The following LUZP2 variants were observed in gnomAD, a reference collection of about 807,000 sequenced individuals.
The protein encoded by LUZP2 is leucine zipper protein 2.
In LUZP2, 52 loss-of-function variants were observed where a neutral mutation model predicts 51.6. The ratio of observed to expected loss-of-function variants is 1.01; its 90% CI spans 0.81 to 1.27. LUZP2 has a LOEUF of 1.27. Among genes scored for constraint, LUZP2 ranks in the 50% most tolerant of loss-of-function variants. The pLI, the probability that LUZP2 is intolerant of heterozygous loss-of-function variation, is 0.00. For synonymous variants in LUZP2, 154 were observed against 137.3 expected, an observed-to-expected ratio of 1.12 and a Z score of -0.85; for missense variants, 436 against 395.4, an observed-to-expected ratio of 1.10 and a Z score of -0.87.
intron 1 of LUZP2, among the ~76,000 whole-genome samples, chr11:24,592,813 T>G (rs1347871669): frequency 6.6e-6 from 1 of 152,116 alleles, no homozygotes; most frequent in African/African-American, 2.4e-5. Flanking sequence ...TATTTAAAAG[T>G]CAGAGCCAAA....
At chr11:24,851,264 C>A (rs1851386121) in intron 5 of LUZP2, among the ~76,000 whole-genome samples, 1 of 152,074 alleles carries the variant, frequency 6.6e-6, no homozygotes, top group African/African-American at 2.4e-5. Context: ...ATAAACAGCT[C>A]TTATTATTTT....
intron 11 of LUZP2, 102 bp downstream of exon 11, chr11:25,077,508 T>C: frequency 2.2e-6 from 1 of 448,256 alleles, no homozygotes; most frequent in Non-Finnish European, 3.2e-6. Flanking sequence ...TTTTATTTAT[T>C]TATTTTTTTG....
At chr11:24,823,462 T>C (rs1188487040) in intron 5 of LUZP2, among the ~76,000 whole-genome samples, 2 of 151,734 alleles carry the variant, frequency 1.3e-5, no homozygotes, top group African/African-American at 4.8e-5. Context: ...TTGACTTATA[T>C]TGAGTGTAAT....
At chr11:24,971,461 C>G (rs755648070) in intron 7 of LUZP2, among the ~76,000 whole-genome samples, 1 of 151,964 alleles carries the variant, frequency 6.6e-6, no homozygotes, top group Non-Finnish European at 1.5e-5. Context: ...CAGTCTGTGG[C>G]ATAGGGGCTG....
chr11:24,741,564 C>T (rs1421940037), intron 4 of LUZP2, among the ~76,000 whole-genome samples: 5 of 151,332 alleles, frequency 3.3e-5, no homozygotes, highest in Non-Finnish European at 7.4e-5. Context: ...ACCTTGCCCC[C>T]CAGTCACACT....
intron 1 of LUZP2, among the ~76,000 whole-genome samples, chr11:24,724,711 A>G (rs1246486101): frequency 5.3e-5 from 8 of 152,232 alleles, no homozygotes. Flanking sequence ...AACTGTAGCT[A>G]TTAGAAAAAG....
At chr11:24,785,889 T>C (rs1490926497) in intron 5 of LUZP2, 5 of 985,232 alleles carry the variant, frequency 5.1e-6, no homozygotes, top group Non-Finnish European at 6.0e-6. Flanking sequence ...AATACTTTGT[T>C]CCAAATTGGC....
chr11:24,857,684 C>T (rs1851612793), intron 5 of LUZP2, among the ~76,000 whole-genome samples: 2 of 136,244 alleles, frequency 1.5e-5, no homozygotes, highest in African/African-American at 5.6e-5. Context: ...GGTTATTTAC[C>T]ATCTTGATCT....
chr11:24,936,494 C>G (rs1227029282), intron 7 of LUZP2, among the ~76,000 whole-genome samples: 1 of 152,066 alleles, frequency 6.6e-6, no homozygotes, highest in African/African-American at 2.4e-5. Context: ...AACATTGCCT[C>G]TGATTGTAAA....
intron 9 of LUZP2, among the ~76,000 whole-genome samples, chr11:24,996,338 T>C (rs1006847432): frequency 2.6e-5 from 4 of 151,316 alleles, no homozygotes; most frequent in Non-Finnish European, 5.9e-5. Flanking sequence ...AATTAACTAC[T>C]TGTAAAACAG....
chr11:24,953,796 C>T (rs1238436150), intron 7 of LUZP2, among the ~76,000 whole-genome samples: 1 of 151,990 alleles, frequency 6.6e-6, no homozygotes, highest in Non-Finnish European at 1.5e-5. Context: ...CACTATATAC[C>T]TGGCACTATT....
At position 24,661,326 on chromosome 11, in the gene LUZP2, T is replaced by C. The variant is rs181855981; in HGVS notation, c.63-67843T>C. On this transcript the variant is annotated intron_variant, in intron 1 of 11. Transcript: ENST00000336930. The stretch of plus-strand genomic sequence containing the variant: ...TGCCTCATTGCTATGTGATTGCTAA[T>C]TGGAAAAAGAATCCAATGTTGGCAT... Among the ~76,000 whole-genome samples the C allele has an allele frequency of 2.2e-4, 34 of 152,336 alleles. No individual in the cohort carries two copies. In the East Asian group the frequency reaches 6.5e-3, roughly 29 times the overall value.
At chr11:24,918,667 A>G (rs867679780) in intron 7 of LUZP2, among the ~76,000 whole-genome samples, 2 of 151,714 alleles carry the variant, frequency 1.3e-5, no homozygotes, top group Middle Eastern at 6.8e-3. Flanking sequence ...ATTATTTATC[A>G]TTGAAGAAAA....
chr11:25,038,825 T>G (rs763873204), intron 9 of LUZP2, among the ~76,000 whole-genome samples: 1 of 152,182 alleles, frequency 6.6e-6, no homozygotes, highest in Admixed American at 6.5e-5. Flanking sequence ...TGGCTTTATT[T>G]CTGGAAGCTT....
At chr11:24,704,660 A>G (rs914350932) in intron 1 of LUZP2, among the ~76,000 whole-genome samples, 1 of 152,078 alleles carries the variant, frequency 6.6e-6, no homozygotes, top group Non-Finnish European at 1.5e-5. Flanking sequence ...TGATATTACA[A>G]CTGTTGTTAC....
intron 4 of LUZP2, among the ~76,000 whole-genome samples, chr11:24,746,844 T>A (rs1211551283): frequency 6.6e-6 from 1 of 152,212 alleles, no homozygotes; most frequent in Non-Finnish European, 1.5e-5. Context: ...TCAATTCTAT[T>A]GTGAGACTTT....
chr11:24,753,599 C>G (rs1305377323), intron 4 of LUZP2, among the ~76,000 whole-genome samples: 1 of 152,064 alleles, frequency 6.6e-6, no homozygotes, highest in African/African-American at 2.4e-5. Flanking sequence ...ACGCTCATTC[C>G]CATAATACAA....
At chr11:24,974,511 G>C (rs992991325) in intron 7 of LUZP2, among the ~76,000 whole-genome samples, 1 of 149,972 alleles carries the variant, frequency 6.7e-6, no homozygotes, top group Admixed American at 6.7e-5. Flanking sequence ...CATTAAAAAG[G>C]GAATTTTTGC....
intron 1 of LUZP2, among the ~76,000 whole-genome samples, chr11:24,658,078 A>G (rs1009761113): frequency 5.9e-5 from 9 of 152,210 alleles, no homozygotes; most frequent in African/African-American, 2.2e-4. Flanking sequence ...TAACTACTGT[A>G]AAGTTCATAT....
Sources: allele counts gnomAD v4.1 joint callset (sites outside exome capture counted in the v4.1 genomes callset), GRCh38; gene constraint gnomAD v4.1.1; transcripts MANE v1.5; gene names NCBI Gene and HGNC (gene_info 2026-07-23, HGNC 2026-07-21).